SLC6A12: variants seen among roughly 807,000 people sequenced by gnomAD.
SLC6A12 encodes the protein solute carrier family 6 member 12.
SLC6A12 carries 50 observed loss-of-function variants against 73.3 expected under a neutral mutation model. The ratio of observed to expected loss-of-function variants is 0.68; its 90% CI spans 0.54 to 0.86. The LOEUF (loss-of-function observed/expected upper bound fraction) is 0.86, where lower values mean the gene tolerates loss of function less well. Among genes scored for constraint, SLC6A12 ranks in the 40% least tolerant of loss-of-function variants. SLC6A12 has a pLI of 0.00. For missense variants in SLC6A12, 648 were observed against 772.8 expected (o/e 0.84, Z 1.92); for synonymous variants, 304 against 309.2 (o/e 0.98, Z 0.18).
the SLC6A12 span, among the ~76,000 whole-genome samples, chr12:184,600 A>G: frequency 6.6e-6 from 1 of 152,102 alleles, no homozygotes; most frequent in Non-Finnish European, 1.5e-5. Flanking sequence ...AATACAAAAA[A>G]TTAGCCGGGC....
chr12:205,700 A>ATATCCTTCCAGATTTCT (rs1232338617), intron 3 of SLC6A12, among the ~76,000 whole-genome samples: 1 of 152,228 alleles, frequency 6.6e-6, no homozygotes, highest in Non-Finnish European at 1.5e-5. Flanking sequence ...AAATCATTGT[A>ATATCCTTCCAGATTTCT]TATCCTTCCA....
At chr12:204,476 G>T in intron 4 of SLC6A12, 88 bp downstream of exon 4, 1 of 1,279,114 alleles carries the variant, frequency 7.8e-7, no homozygotes, top group Non-Finnish European at 1.1e-6. Context: ...GATGGGTGAA[G>T]CAGCGGATGG....
At chr12:187,989 C>T (rs1301864523), downstream of SLC6A12, among the ~76,000 whole-genome samples, 1 of 152,216 alleles carries the variant, frequency 6.6e-6, no homozygotes, top group Non-Finnish European at 1.5e-5. Flanking sequence ...GGTGTATTTA[C>T]AATCCCTGAG....
intron 6 of SLC6A12, 121 bp from the exon 7 acceptor site, chr12:200,904 C>T (rs752300184): frequency 2.7e-5 from 26 of 966,672 alleles, no homozygotes; most frequent in Non-Finnish European, 3.6e-5. Context: ...GGGCTTCCCC[C>T]ACTCCCCACC....
chr12:197,353 C>T lies in SLC6A12; in HGVS notation c.1075+24G>A, dbSNP rs761350002. On this transcript the variant is annotated intron_variant, in intron 10 of 15. Transcript: ENST00000684302. ...TCTCTGACTCTCCTTCCCCTCAGGC[C>T]CCAGACAGCAAAGTGGCACCTACCT... 3 of 1,607,038 alleles carry T rather than the reference C, an allele frequency of 1.9e-6. No homozygotes were observed. The South Asian group carries it at 3.3e-5, about 18-fold the overall frequency.
Position 192,774 on chromosome 12 carries a change from A to G in SLC6A12, c.1531-126T>C, listed in dbSNP as rs1355740988. On this transcript the variant is annotated intron_variant, in intron 14 of 15. Coordinates refer to ENST00000684302, the MANE Select transcript of SLC6A12 (RefSeq NM_001122848.3). The stretch of plus-strand genomic sequence containing the variant: ...CAGCACGTCTGTAAGGTGGAAGAGT[A>G]AAAGCCCCTGCAAATCCCAGGCCAA... 68 of 852,914 alleles carry G rather than the reference A, an allele frequency of 8.0e-5. No individual in the cohort carries two copies. In the East Asian group the frequency reaches 1.7e-3, roughly 21 times the overall value. The allele number at this position is 852,914 out of a possible 1,614,324, so 52.8% of individuals were successfully genotyped here. A position where few individuals can be genotyped will look rare whatever the true frequency, so the allele number is the denominator to read the frequency against.
chr12:202,785 T>G lies in SLC6A12; in HGVS notation c.445A>C (p.Thr149Pro). Reference protein sequence around the residue: ...WALFYLFSSFTSELPWTTCNN... With the variant: ...WALFYLFSSFPSELPWTTCNN... ...CAGGTCGTCCAGGGCAGCTCAGAAG[T>G]GAAGGAGCTGAACAGGTAGAAGAGA... Residue 149 changes from threonine to proline, a missense_variant, in exon 5 of 16, where the codon ACT (threonine) becomes CCT (proline). Physicochemically the swap from Thr to Pro is conservative, Grantham distance 38 (BLOSUM62 -1). Coordinates refer to ENST00000684302, the MANE Select transcript of SLC6A12 (RefSeq NM_001122848.3). 3 of 1,613,764 alleles carry G rather than the reference T, an allele frequency of 1.9e-6. No homozygotes were observed. The highest frequency in any genetic ancestry group is 2.5e-6 in the Non-Finnish European group (3 of 1,179,844).
downstream of SLC6A12, among the ~76,000 whole-genome samples, chr12:188,824 G>A (rs1472377049): frequency 1.3e-5 from 2 of 152,204 alleles, no homozygotes; most frequent in Non-Finnish European, 2.9e-5. Context: ...CCCTGTGAGA[G>A]GTGAGGTTGG....
At chr12:189,206 C>T (rs1939500339), downstream of SLC6A12, among the ~76,000 whole-genome samples, 1 of 152,062 alleles carries the variant, frequency 6.6e-6, no homozygotes, top group Non-Finnish European at 1.5e-5. Context: ...GGCTGAGGCG[C>T]GCGCCCGCGT....
chr12:197,023 C>A, intron 10 of SLC6A12, 141 bp from the exon 11 acceptor site: 1 of 312,972 alleles, frequency 3.2e-6, no homozygotes, highest in Non-Finnish European at 5.8e-6. Flanking sequence ...CTGTTCTTCT[C>A]TTTCCAGGCC....
intron 6 of SLC6A12, among the ~76,000 whole-genome samples, chr12:201,037 G>T (rs1940234309): frequency 6.6e-6 from 1 of 152,098 alleles, no homozygotes; most frequent in South Asian, 2.1e-4. Context: ...AGAGAGAGAT[G>T]AGGAATGTAT....
chr12:200,307 AC>A (rs1167742807), intron 7 of SLC6A12, among the ~76,000 whole-genome samples: 4 of 150,582 alleles, frequency 2.7e-5, no homozygotes, highest in South Asian at 2.1e-4. Flanking sequence ...ACGGGGTTTT[AC>A]CGTGTTAGCC....
rs144391447 is a variant in SLC6A12, at chr12:198,192, C to T, written c.847-189G>A. Among the ~76,000 whole-genome samples the T allele has an allele frequency of 6.6e-6, 1 of 152,322 alleles. No homozygotes were observed. The highest frequency in any genetic ancestry group is 1.5e-5 in the Non-Finnish European group (1 of 68,034). On this transcript the variant is annotated intron_variant, in intron 8 of 15. Transcript: ENST00000684302. The surrounding 1 kb of genome is among the most constrained non-coding windows in gnomAD (Gnocchi z 4.0). ...CACGGTGATCTCCTCCCCAGTGCGG[C>T]CCAGTTTCGGTTTGGTTCTGTAGGC...
At position 193,369 on chromosome 12, in the gene SLC6A12, G is replaced by A. The variant is rs138663159; in HGVS notation, c.1438C>T (p.Arg480Cys). 9.3e-6 allele frequency: 15 copies of A among 1,613,280 alleles called. No homozygotes were observed. The highest frequency in any genetic ancestry group is 5.3e-5 in the African/African-American group (4 of 74,908). The change falls in exon 14 of 16, where the codon CGT (arginine) becomes TGT (cysteine). Residue 480 changes from arginine to cysteine, a missense_variant. Physicochemically the swap from Arg to Cys is radical, Grantham distance 180 (BLOSUM62 -3). Transcript: ENST00000684302. ...VCISWVYGAD[R>C]FYDNIEDMIG... ...ATGTCCTCAATGTTGTCATAGAAACGGTCCGCCCCTGAGCAGGCATGGCGT... is the reference window on the plus strand; with the variant it reads ...ATGTCCTCAATGTTGTCATAGAAACAGTCCGCCCCTGAGCAGGCATGGCGT...
chr12:211,674 G>A (rs1451565145), intron 2 of SLC6A12, among the ~76,000 whole-genome samples: 1 of 152,192 alleles, frequency 6.6e-6, no homozygotes, highest in Non-Finnish European at 1.5e-5. Flanking sequence ...ACAGAATTAG[G>A]AATGAGGCAC....
chr12:201,178 G>C (rs929022290), intron 6 of SLC6A12: 10 of 205,894 alleles, frequency 4.9e-5, no homozygotes, highest in Admixed American at 5.4e-5. Flanking sequence ...GCATGGGTGT[G>C]AGGGTCCAGT....
the SLC6A12 span, among the ~76,000 whole-genome samples, chr12:184,516 C>T: frequency 1.8e-4 from 27 of 152,138 alleles, no homozygotes; most frequent in Admixed American, 4.6e-4. Context: ...TTTGGGAGGC[C>T]GAGGCGGGCG....
chr12:198,775 G>T lies in SLC6A12; in HGVS notation c.846+22C>A. On this transcript the variant is annotated intron_variant, in intron 8 of 15. Coordinates refer to ENST00000684302, the MANE Select transcript of SLC6A12 (RefSeq NM_001122848.3). The surrounding 1 kb of genome is among the most constrained non-coding windows in gnomAD (Gnocchi z 4.0). ...CTGGGTGGGGAAGGCACCTGGGGAA[G>T]TGGTCCCAGCACGGTACATACCTGA... 6.2e-7 allele frequency: 1 copy of T among 1,610,554 alleles called. No individual in the cohort carries two copies.
In SLC6A12 at chr12:197,928, A is replaced by T. The variant is rs781720278; in HGVS notation, c.922T>A (p.Tyr308Asn). The T allele has an allele frequency of 2.7e-6, 4 of 1,466,188 alleles. No homozygotes were observed. The highest frequency in any genetic ancestry group is 3.7e-6 in the Non-Finnish European group (4 of 1,094,742). The allele number at this position is 1,466,188 out of a possible 1,614,324, so 90.8% of individuals were successfully genotyped here. A position where few individuals can be genotyped will look rare whatever the true frequency, so the allele number is the denominator to read the frequency against. ...CQGCLTALGSYNKYHNNCYKD... is the reference protein window; with the variant it reads ...CQGCLTALGSNNKYHNNCYKD... ...TAGCAGTTGTTGTGATACTTGTTGT[A>T]GCTGCCCAGGGCTGTCAGGCACCCC... Residue 308 changes from tyrosine (Y) to asparagine (N), a missense_variant, in exon 9 of 16, where the codon TAC becomes AAC. By Grantham distance (143) the Tyr-to-Asn change is moderately radical. Transcript: ENST00000684302.
Sources: allele counts gnomAD v4.1 joint callset (sites outside exome capture counted in the v4.1 genomes callset), GRCh38; gene constraint gnomAD v4.1.1; non-coding constraint Gnocchi (gnomAD v3.1); transcripts MANE v1.5; gene names NCBI Gene and HGNC (gene_info 2026-07-23, HGNC 2026-07-21).